The following ERCC6L2 variants were observed in gnomAD, a reference collection of about 807,000 sequenced individuals.
The protein encoded by ERCC6L2 is DNA excision repair protein ERCC-6-like 2.
A neutral mutation model predicts 132.0 loss-of-function variants in ERCC6L2; 77 were observed. The observed-to-expected ratio is 0.58, with a 90% CI of 0.49 to 0.71. ERCC6L2 has a LOEUF of 0.71. ERCC6L2 is among the 30% of genes least tolerant of loss of function. ERCC6L2 has a pLI of 0.00. For missense variants in ERCC6L2, 1,542 were observed against 1,837.6 expected, an observed-to-expected ratio of 0.84 and a Z score of 2.94; for synonymous variants, 583 against 632.4, an observed-to-expected ratio of 0.92 and a Z score of 1.17.
At chr9:96,005,368 A>G (rs1206779108) in intron 18 of ERCC6L2, among the ~76,000 whole-genome samples, 2 of 152,122 alleles carry the variant, frequency 1.3e-5, no homozygotes. Flanking sequence ...TTTGGCATCA[A>G]ACCATGAAGT....
At chr9:95,890,440 A>G (rs1828096419) in intron 2 of ERCC6L2, among the ~76,000 whole-genome samples, 1 of 152,210 alleles carries the variant, frequency 6.6e-6, no homozygotes, top group Non-Finnish European at 1.5e-5. Flanking sequence ...AGCTAGTATG[A>G]AACTGGTTGG....
chr9:95,943,809 C>T (rs1415639731), intron 12 of ERCC6L2, among the ~76,000 whole-genome samples: 6 of 152,110 alleles, frequency 3.9e-5, no homozygotes, highest in Non-Finnish European at 4.4e-5. Context: ...TGAGGTACAA[C>T]TTCACACACG....
intron 17 of ERCC6L2, among the ~76,000 whole-genome samples, chr9:95,995,503 C>A (rs1439260522): frequency 6.6e-6 from 1 of 152,142 alleles, no homozygotes; most frequent in African/African-American, 2.4e-5. Context: ...AGAAAGTTTT[C>A]CCTACAAAAG....
chr9:95,916,396 A>G lies in ERCC6L2; in HGVS notation c.1120A>G (p.Thr374Ala). Residue 374 changes from threonine (T) to alanine (A), a missense_variant, in exon 6 of 19, where the codon ACT (threonine) becomes GCT (alanine). Thr to Ala is a moderately conservative substitution (Grantham distance 58, BLOSUM62 0). Transcript: ENST00000653738. ...MSGWFLRRTK[T>A]LIKDQLPKKE... ...TGGCTGGTTTCTCAGGCGCACCAAG[A>G]CTCTTATCAAGGATCAGTTGCCTAA... 1 of 1,596,098 alleles carries G rather than the reference A, an allele frequency of 6.3e-7. No homozygotes were observed. The highest frequency in any genetic ancestry group is 8.5e-7 in the Non-Finnish European group (1 of 1,174,566).
chr9:95,972,899 G>A lies in ERCC6L2; in HGVS notation c.3148G>A (p.Val1050Ile), dbSNP rs766512823. ...DYSSSDESLSVSHFSFSKQSH... is the reference protein window; with the variant it reads ...DYSSSDESLSISHFSFSKQSH... ...TTCATCCTCAGATGAGAGTTTATCC[G>A]TCAGCCACTTCAGTTTCTCTAAACA... Residue 1050 changes from valine (V) to isoleucine (I), a missense_variant, in exon 16 of 19, where the codon GTC (valine) becomes ATC (isoleucine). Transcript: ENST00000653738. 2.1e-5 allele frequency: 27 copies of A among 1,305,234 alleles called. No individual in the cohort carries two copies. The highest frequency in any genetic ancestry group is 2.1e-4 in the Middle Eastern group (1 of 4,714). 80.9% of individuals were successfully genotyped at this position (1,305,234 alleles called of 1,614,324 possible).
At chr9:96,026,910 A>C (rs111216742) in intron 19 of ERCC6L2, among the ~76,000 whole-genome samples, 1 of 110,742 alleles carries the variant, frequency 9.0e-6, no homozygotes, top group Non-Finnish European at 1.9e-5. Context: ...CACTACACCA[A>C]ACACACCACA....
chr9:95,988,699 G>C (rs987536929), intron 17 of ERCC6L2, among the ~76,000 whole-genome samples: 1 of 152,192 alleles, frequency 6.6e-6, no homozygotes, highest in Non-Finnish European at 1.5e-5. Context: ...AGTCAACACA[G>C]AAGACTTCTG....
At chr9:96,011,000 C>A (rs1010846367) in intron 18 of ERCC6L2, among the ~76,000 whole-genome samples, 1 of 152,224 alleles carries the variant, frequency 6.6e-6, no homozygotes, top group Non-Finnish European at 1.5e-5. Context: ...CTATCTATGA[C>A]TTTTGTTCAA....
downstream of ERCC6L2, chr9:96,020,707 A>G (rs1290549259): frequency 2.2e-6 from 1 of 447,290 alleles, no homozygotes; most frequent in African/African-American, 2.0e-5. Context: ...CGCAGCTCAA[A>G]AGGAGAAACA....
intron 19 of ERCC6L2, among the ~76,000 whole-genome samples, chr9:96,035,959 A>T (rs1834513335): frequency 6.6e-6 from 1 of 152,218 alleles, no homozygotes; most frequent in Non-Finnish European, 1.5e-5. Context: ...TCCTTCTTAG[A>T]CTGAAACTTT....
At position 95,959,230 on chromosome 9, in the gene ERCC6L2, T is replaced by C. The variant is rs1374733853; in HGVS notation, c.1947+3217T>C. ...GAGCCCTCAGAAATAACGCCGCATA[T>C]CTACAACTATCTGATCTTTGACAAA... On this transcript the variant is annotated intron_variant, in intron 13 of 18. Coordinates refer to ENST00000653738, the MANE Select transcript of ERCC6L2 (RefSeq NM_020207.7). Among the ~76,000 whole-genome samples the C allele has an allele frequency of 2.0e-4, 29 of 148,708 alleles. 1 individual carries two copies. The highest frequency in any genetic ancestry group is 1.2e-4 in the Non-Finnish European group (8 of 66,938).
At chr9:95,907,864 C>CAAA (rs1173796874) in intron 4 of ERCC6L2, among the ~76,000 whole-genome samples, 11 of 127,600 alleles carry the variant, frequency 8.6e-5, no homozygotes, top group Non-Finnish European at 1.6e-4. Flanking sequence ...CACCCCCACA[C>CAAA]CCACACACCC....
intron 17 of ERCC6L2, among the ~76,000 whole-genome samples, chr9:95,991,447 T>C (rs960283834): frequency 6.6e-6 from 1 of 152,172 alleles, no homozygotes; most frequent in Non-Finnish European, 1.5e-5. Context: ...ATTGTTTGAG[T>C]TGCAAATTGA....
intron 12 of ERCC6L2, among the ~76,000 whole-genome samples, chr9:95,952,863 T>A (rs981422580): frequency 6.6e-6 from 1 of 151,894 alleles, no homozygotes; most frequent in African/African-American, 2.4e-5. Flanking sequence ...GGAAACTACT[T>A]CAACATATAA....
At chr9:95,900,165 C>T (rs1280010939) in intron 3 of ERCC6L2, among the ~76,000 whole-genome samples, 1 of 152,046 alleles carries the variant, frequency 6.6e-6, no homozygotes, top group South Asian at 2.1e-4. Flanking sequence ...GCTGGAGGAT[C>T]GCCCAGGAGT....
intron 4 of ERCC6L2, among the ~76,000 whole-genome samples, chr9:95,912,377 T>G: frequency 6.6e-6 from 1 of 151,704 alleles, no homozygotes; most frequent in Middle Eastern, 3.4e-3. Flanking sequence ...TCCAACAGTT[T>G]TGTGTGTGTG....
intron 19 of ERCC6L2, among the ~76,000 whole-genome samples, chr9:96,037,530 GT>G (rs369596128): frequency 1.0e-3 from 159 of 152,316 alleles, no homozygotes; most frequent in African/African-American, 3.7e-3. Flanking sequence ...AGGCCCTGAG[GT>G]TCTGGCCTGA....
Position 95,973,091 on chromosome 9 carries a change from A to G in ERCC6L2, c.3337+3A>G. 7.6e-7 allele frequency: 1 copy of G among 1,317,986 alleles called. No individual in the cohort carries two copies. The highest frequency in any genetic ancestry group is 2.3e-5 in the Admixed American group (1 of 42,728). 81.6% of individuals were successfully genotyped at this position (1,317,986 alleles called of 1,614,324 possible). A position where few individuals can be genotyped will look rare whatever the true frequency, so the allele number is the denominator to read the frequency against. ...TGAATCAATGGATAAATTTTTAGGTAACTAAAGACACATTCTCAAAACTTT... is the reference window on the plus strand; with the variant it reads ...TGAATCAATGGATAAATTTTTAGGTGACTAAAGACACATTCTCAAAACTTT... On this transcript the variant is annotated splice_donor_region_variant and intron_variant, in intron 16 of 18. Coordinates refer to ENST00000653738, the MANE Select transcript of ERCC6L2 (RefSeq NM_020207.7).
At chr9:95,947,059 AG>A (rs1831098854) in intron 12 of ERCC6L2, among the ~76,000 whole-genome samples, 1 of 152,186 alleles carries the variant, frequency 6.6e-6, no homozygotes, top group South Asian at 2.1e-4. Flanking sequence ...GTCAAGTGAA[AG>A]GAAGAGTTGC....
Sources: gnomAD v4.1 joint callset for allele counts (sites outside exome capture counted in the v4.1 genomes callset) on GRCh38, gnomAD v4.1.1 for gene constraint, MANE v1.5 for transcripts, NCBI Gene and HGNC (gene_info 2026-07-23, HGNC 2026-07-21) for gene names.